BAZ2A: variants seen among roughly 807,000 people sequenced by gnomAD.
BAZ2A encodes bromodomain adjacent to zinc finger domain protein 2A.
BAZ2A carries 34 observed loss-of-function variants against 199.9 expected under a neutral mutation model. The observed-to-expected ratio is 0.17, with a 90% CI of 0.13 to 0.23. The LOEUF (loss-of-function observed/expected upper bound fraction) is 0.23, where lower values mean the gene tolerates loss of function less well. Ranked by LOEUF, BAZ2A falls within the 10% of genes least tolerant of loss-of-function variation. BAZ2A has a pLI of 1.00. For missense variants in BAZ2A, 2,002 were observed against 2,391.1 expected (o/e 0.84, Z 3.39); for synonymous variants, 857 against 883.9 (o/e 0.97, Z 0.54).
At chr12:56,619,522 A>AAAAAAAG (rs1555210953) in intron 1 of BAZ2A, among the ~76,000 whole-genome samples, 2 of 151,498 alleles carry the variant, frequency 1.3e-5, no homozygotes, top group Non-Finnish European at 2.9e-5. Context: ...AAAAAAAAAA[A>AAAAAAAG]AAAAGAAAAG....
chr12:56,609,476 C>T (rs1950489938), intron 10 of BAZ2A, among the ~76,000 whole-genome samples: 13 of 152,182 alleles, frequency 8.5e-5, no homozygotes, highest in Admixed American at 8.5e-4. Flanking sequence ...GCAAGAAAGT[C>T]CTCTCCTCTG....
At chr12:56,632,659 A>C (rs1355118838), upstream of BAZ2A, among the ~76,000 whole-genome samples, 2 of 152,084 alleles carry the variant, frequency 1.3e-5, no homozygotes, top group African/African-American at 4.8e-5. Context: ...ATAGGAGAGG[A>C]CCACTTGGGA....
In BAZ2A at chr12:56,611,586, G is replaced by T; in HGVS notation, c.1657C>A (p.Pro553Thr). Residue 553 changes from proline to threonine, a missense_variant, in exon 7 of 29, where the codon CCC becomes ACC. Physicochemically the swap from Pro to Thr is conservative, Grantham distance 38 (BLOSUM62 -1). Coordinates refer to ENST00000549884, the MANE Select transcript of BAZ2A (RefSeq NM_001300905.2). ...TAGAGCATTTACCCATGTTGGAGGG[G>T]AAGACGAACTTCTTCTGGGGTAGCA... ...RIATPEEVRLPLQHGWRREVR... is the reference protein window; with the variant it reads ...RIATPEEVRLTLQHGWRREVR... 1 of 1,613,354 alleles carries T rather than the reference G, an allele frequency of 6.2e-7. No homozygotes were observed. The highest frequency in any genetic ancestry group is 8.5e-7 in the Non-Finnish European group (1 of 1,179,612).
At chr12:56,621,095 C>T in intron 1 of BAZ2A, 5 of 985,374 alleles carry the variant, frequency 5.1e-6, no homozygotes, top group Non-Finnish European at 6.0e-6. Context: ...CTCACCTCTC[C>T]TCTCCCCAGT....
At chr12:56,615,938 T>C (rs1950706364) in intron 2 of BAZ2A, among the ~76,000 whole-genome samples, 1 of 152,182 alleles carries the variant, frequency 6.6e-6, no homozygotes, top group Non-Finnish European at 1.5e-5. Flanking sequence ...GGAATCTCGC[T>C]ATGTCACCAG....
chr12:56,604,927 A>G, intron 14 of BAZ2A, 128 bp from the exon 15 acceptor site: 4 of 1,383,248 alleles, frequency 2.9e-6, no homozygotes, highest in Non-Finnish European at 3.9e-6. Context: ...AGAAGACCAC[A>G]AAAGAAAAGG....
chr12:56,634,839 G>A (rs1315889570), upstream of BAZ2A: 3 of 911,362 alleles, frequency 3.3e-6, no homozygotes, highest in Non-Finnish European at 3.9e-6. Flanking sequence ...TCCCTCAGGG[G>A]GAGAGTCAGA....
chr12:56,621,339 G>T, intron 1 of BAZ2A: 1 of 878,704 alleles, frequency 1.1e-6, no homozygotes, highest in Non-Finnish European at 1.4e-6. Context: ...TAAAAAGAAT[G>T]GGAAGTTATT....
Position 56,604,296 on chromosome 12 carries a change from A to T in BAZ2A, c.2964-5T>A. 1 of 1,605,004 alleles carries T rather than the reference A, an allele frequency of 6.2e-7. No homozygotes were observed. Among genetic ancestry groups the T allele is most frequent in the Non-Finnish European group, 8.5e-7 (1 of 1,175,104 alleles). ...TCCAGAGTCTTGTCAATCTCACTGC[A>T]GGGGAATAGGGAATAGGATGAAGTG... On this transcript the variant is annotated splice_region_variant and splice_polypyrimidine_tract_variant and intron_variant, in intron 15 of 28. Transcript: ENST00000549884.
Position 56,635,928 on chromosome 12 carries a change from G to A in BAZ2A, c.4+254C>T, listed in dbSNP as rs539035372. Among the ~76,000 whole-genome samples, 1 of 152,150 alleles carries A rather than the reference G, an allele frequency of 6.6e-6. No homozygotes were observed. The highest frequency in any genetic ancestry group is 1.5e-5 in the Non-Finnish European group (1 of 68,020). On this transcript the variant is annotated intron_variant, in intron 1 of 29. Coordinates refer to the BAZ2A transcript ENST00000379441. The surrounding 1 kb of genome is among the most constrained non-coding windows in gnomAD (Gnocchi z 4.1). ...GAGCAGGGGCAATCCTCCACGGGGC[G>A]GCGGGGAGGGGGCTGGGAAAGCCCT...
chr12:56,611,698 G>C (rs1950563384), intron 6 of BAZ2A, 65 bp from the exon 7 acceptor site: 12 of 1,544,566 alleles, frequency 7.8e-6, no homozygotes, highest in Non-Finnish European at 1.0e-5. Flanking sequence ...GGCCAATAGG[G>C]AAAGGCTAAC....
At position 56,602,696 on chromosome 12, in the gene BAZ2A, C is replaced by T. The variant is rs756351947; in HGVS notation, c.3424+17G>A. The T allele has an allele frequency of 1.2e-5, 20 of 1,610,304 alleles. No homozygotes were observed. The African/African-American group carries it at 2.5e-4, about 20-fold the overall frequency. ...TTTGATAGGACTCAGAATCCACACT[C>T]CCACAGGCACACCTACCTAAGTTCC... On this transcript the variant is annotated intron_variant, in intron 19 of 28. Coordinates refer to ENST00000549884, the MANE Select transcript of BAZ2A (RefSeq NM_001300905.2).
At position 56,612,040 on chromosome 12, in the gene BAZ2A, A is replaced by C; in HGVS notation, c.1342T>G (p.Ser448Ala). The C allele has an allele frequency of 6.2e-7, 1 of 1,613,372 alleles. No individual in the cohort carries two copies. The highest frequency in any genetic ancestry group is 1.1e-5 in the South Asian group (1 of 91,016). ...VVSPAASPEI[S>A]PEVCPAASTV... ...GAAGCTGCGGGACAAACTTCTGGAG[A>C]GATTTCTGGGGAGGCTGCTGGAGAA... Residue 448 changes from serine to alanine, a missense_variant, in exon 6 of 29, where the codon TCT becomes GCT. Ser to Ala is a moderately conservative substitution (Grantham distance 99). Transcript: ENST00000549884.
At position 56,614,093 on chromosome 12, in the gene BAZ2A, G is replaced by A. The variant is rs375305530; in HGVS notation, c.776C>T (p.Ser259Leu). 28 of 1,613,856 alleles carry A rather than the reference G, an allele frequency of 1.7e-5. No homozygotes were observed. The highest frequency in any genetic ancestry group is 5.0e-5 in the Admixed American group (3 of 60,002). Reference sequence around the variant, plus strand: ...CAGGACTGAGACCTCTTGGTGTAACGATTCCACAGAAGGGACAGAGCCATT... The same window carrying A: ...CAGGACTGAGACCTCTTGGTGTAACAATTCCACAGAAGGGACAGAGCCATT... ...GYNGSVPSVESLHQEVSVLVP... is the reference protein window; with the variant it reads ...GYNGSVPSVELLHQEVSVLVP... Residue 259 changes from serine (S) to leucine (L), a missense_variant, in exon 4 of 29, where the codon TCG becomes TTG. By Grantham distance (145) the Ser-to-Leu change is moderately radical. This residue lies in a region of BAZ2A where 641 missense variants were observed against 694.5 expected (regional missense o/e 0.92). Transcript: ENST00000549884.
intron 10 of BAZ2A, among the ~76,000 whole-genome samples, chr12:56,607,070 C>T (rs1264063822): frequency 1.3e-5 from 2 of 152,076 alleles, no homozygotes; most frequent in East Asian, 3.9e-4. Context: ...TCCCAGGATA[C>T]CTGACAAGAG....
intron 10 of BAZ2A, among the ~76,000 whole-genome samples, chr12:56,609,513 A>G (rs916724232): frequency 5.9e-5 from 9 of 152,360 alleles, no homozygotes; most frequent in East Asian, 1.9e-4. Context: ...GGGCAGCCCA[A>G]GGTTTCACTG....
rs372887999 is a variant in BAZ2A, at chr12:56,612,211, C to G, written c.1171G>C (p.Glu391Gln). The G allele has an allele frequency of 5.0e-6, 8 of 1,613,366 alleles. No individual in the cohort carries two copies. The African/African-American group carries it at 1.1e-4, about 22-fold the overall frequency. Reference sequence around the variant, plus strand: ...GATTGAGTTTCCATTTCTTCCTGTTCAGCGTCACTACCATTATTCAGGTCA... The same window carrying G: ...GATTGAGTTTCCATTTCTTCCTGTTGAGCGTCACTACCATTATTCAGGTCA... ...SFDLNNGSDA[E>Q]QEEMETQSSD... Residue 391 changes from glutamate (E) to glutamine (Q), a missense_variant, in exon 6 of 29, where the codon GAA (glutamate) becomes CAA (glutamine). Physicochemically the swap from Glu to Gln is conservative, Grantham distance 29. This residue lies in a region of BAZ2A where 641 missense variants were observed against 694.5 expected (regional missense o/e 0.92). Transcript: ENST00000549884.
rs1950505503 is a variant in BAZ2A, at chr12:56,609,879, C to T, written c.1949G>A (p.Arg650Gln). ...CTTCTCAGTGTTTCGAGGTCGACCC[C>T]GTTTGCCAGTAATTGCCTGAATCCT... is the stretch of plus-strand genomic sequence containing the variant. Reference protein sequence around the residue: ...PSRIQAITGKRGRPRNTEKAK... With the variant: ...PSRIQAITGKQGRPRNTEKAK... The change falls in exon 10 of 29, where the codon CGG (arginine) becomes CAG (glutamine). Residue 650 changes from arginine (R) to glutamine (Q), a missense_variant. Physicochemically the swap from Arg to Gln is conservative, Grantham distance 43 (BLOSUM62 1). Coordinates refer to ENST00000549884, the MANE Select transcript of BAZ2A (RefSeq NM_001300905.2). 1 of 1,613,368 alleles carries T rather than the reference C, an allele frequency of 6.2e-7. No individual in the cohort carries two copies. Among genetic ancestry groups the T allele is most frequent in the Non-Finnish European group, 8.5e-7 (1 of 1,179,788 alleles).
chr12:56,603,222 C>T (rs1431953217), intron 18 of BAZ2A, 137 bp downstream of exon 18: 2 of 977,298 alleles, frequency 2.0e-6, no homozygotes, highest in Non-Finnish European at 3.0e-6. Context: ...GAGCCATGAT[C>T]GTGCCACTGC....
Sources: allele counts gnomAD v4.1 joint callset (sites outside exome capture counted in the v4.1 genomes callset), GRCh38; gene constraint gnomAD v4.1.1; regional missense constraint gnomAD v4.1.1; non-coding constraint Gnocchi (gnomAD v3.1); transcripts MANE v1.5; gene names NCBI Gene and HGNC (gene_info 2026-07-23, HGNC 2026-07-21).